BLK: variants seen among roughly 807,000 people sequenced by gnomAD.
BLK encodes BLK proto-oncogene, Src family tyrosine kinase, also known as tyrosine-protein kinase Blk.
In BLK, 64 loss-of-function variants were observed where a neutral mutation model predicts 61.8. The observed-to-expected ratio is 1.03, with a 90% CI of 0.85 to 1.27. The LOEUF is 1.27. Among genes scored for constraint, BLK ranks in the 50% most tolerant of loss-of-function variants. The probability of loss-of-function intolerance (pLI) is 0.00; values close to 1 mark genes in which losing one functional copy is unlikely to be tolerated. For synonymous variants in BLK, 351 were observed against 272.0 expected (o/e 1.29, Z -2.86); for missense variants, 853 against 660.5 (o/e 1.29, Z -3.19).
chr8:11,549,161 G>A (rs768353377), intron 5 of BLK, 39 bp downstream of exon 5: 1 of 1,541,368 alleles, frequency 6.5e-7, no homozygotes, highest in Non-Finnish European at 8.8e-7. Context: ...CCAAGATGCA[G>A]TCACTGTTTC....
In BLK at chr8:11,548,356, C is replaced by T. The variant is rs114501793; in HGVS notation, c.269+231C>T. Among the ~76,000 whole-genome samples, 492 of 152,308 alleles carry T rather than the reference C, an allele frequency of 3.2e-3. 2 individuals are homozygous for T. Among genetic ancestry groups the T allele is most frequent in the African/African-American group, 0.011 (474 of 41,568 alleles). Reference sequence around the variant, plus strand: ...CCTCCTGCTCATCCTTCAAAGTCCACGTTCCATGCCACCGCCTCCATGCAG... The same window carrying T: ...CCTCCTGCTCATCCTTCAAAGTCCATGTTCCATGCCACCGCCTCCATGCAG... On this transcript the variant is annotated intron_variant, in intron 4 of 12. Transcript: ENST00000259089.
chr8:11,531,317 C>A (rs1484938234), intron 1 of BLK, among the ~76,000 whole-genome samples: 1 of 152,078 alleles, frequency 6.6e-6, no homozygotes, highest in African/African-American at 2.4e-5. Context: ...TTTGAAAAGT[C>A]TAATTTATCA....
At chr8:11,556,949 T>A (rs779304623) in intron 9 of BLK, 112 bp downstream of exon 9, 1 of 1,166,506 alleles carries the variant, frequency 8.6e-7, no homozygotes, top group Non-Finnish European at 1.2e-6. Flanking sequence ...CCTGCAGATC[T>A]AGGGCATGGC....
chr8:11,563,753 C>G (rs1801598010), intron 12 of BLK, 150 bp from the exon 13 acceptor site: 1 of 723,762 alleles, frequency 1.4e-6, no homozygotes, highest in Admixed American at 2.9e-5. Context: ...ACCGGGCAGC[C>G]AGGCAACGCA....
chr8:11,555,999 C>T (rs897137408), intron 8 of BLK: 8 of 285,040 alleles, frequency 2.8e-5, no homozygotes, highest in South Asian at 1.5e-4. Context: ...ACTCGTGTTC[C>T]GTTTTATCCC....
chr8:11,510,399 A>T lies in BLK; in HGVS notation c.-2+15808A>T, dbSNP rs551366248. On this transcript the variant is annotated intron_variant, in intron 1 of 12. Transcript: ENST00000259089. ...ATGACTCATAAGGAAACAAACCCCA[A>T]GGCTTTGGGTACATTTGTCCCATCA... 3.2e-4 allele frequency among the ~76,000 whole-genome samples: 48 copies of T among 152,296 alleles called. 1 individual carries two copies. The highest frequency in any genetic ancestry group is 6.0e-4 in the Non-Finnish European group (41 of 68,026).
chr8:11,516,597 C>T (rs900530066), intron 1 of BLK, among the ~76,000 whole-genome samples: 6 of 152,302 alleles, frequency 3.9e-5, no homozygotes, highest in South Asian at 2.1e-4. Flanking sequence ...CCGACCCAGC[C>T]CCCAGCCCCT....
chr8:11,560,715 C>G, intron 10 of BLK: 1 of 384,552 alleles, frequency 2.6e-6, no homozygotes, highest in Non-Finnish European at 5.3e-6. Flanking sequence ...TGGGTGCCCC[C>G]ACGGGGCAGG....
At chr8:11,498,846 G>C (rs1184461915) in intron 1 of BLK, among the ~76,000 whole-genome samples, 1 of 152,236 alleles carries the variant, frequency 6.6e-6, no homozygotes, top group Non-Finnish European at 1.5e-5. Context: ...TAGGTGAGTT[G>C]AAGCTGAGGA....
chr8:11,560,557 G>C (rs1801462630), intron 10 of BLK: 1 of 292,482 alleles, frequency 3.4e-6, no homozygotes, highest in African/African-American at 2.2e-5. Context: ...TTCGTCCATT[G>C]ATTGGGTGAA....
At position 11,552,989 on chromosome 8, in the gene BLK, AAC is replaced by A. The variant is rs575992649; in HGVS notation, c.473-1750_473-1749del. On this transcript the variant is annotated intron_variant, in intron 6 of 12. Transcript: ENST00000259089. Reference sequence around the variant, plus strand: ...GCATGTGTGCACACATACACATGCAAACACATACACATGTCCACGCATGCACA... The same window carrying A: ...GCATGTGTGCACACATACACATGCAAACATACACATGTCCACGCATGCACA... 638 of 156,478 alleles carry A rather than the reference AAC, an allele frequency of 4.1e-3. 4 individuals carry two copies. The highest frequency in any genetic ancestry group is 0.014 in the African/African-American group (564 of 41,636). 9.7% of individuals were successfully genotyped at this position (156,478 alleles called of 1,614,324 possible).
chr8:11,536,483 T>G (rs62489137), intron 1 of BLK, among the ~76,000 whole-genome samples: 17,758 of 152,224 alleles, frequency 0.12, 1,429 homozygotes, highest in East Asian at 0.26. Flanking sequence ...CTCCACCTCC[T>G]GGTTTCAAGC....
intron 6 of BLK, among the ~76,000 whole-genome samples, chr8:11,551,767 CG>C (rs1442597999): frequency 6.6e-6 from 1 of 152,126 alleles, no homozygotes; most frequent in Middle Eastern, 3.2e-3. Flanking sequence ...ACTAGCTTTT[CG>C]TCTGTAAGAT....
At chr8:11,505,729 T>C (rs1798747713) in intron 1 of BLK, among the ~76,000 whole-genome samples, 1 of 152,196 alleles carries the variant, frequency 6.6e-6, no homozygotes, top group African/African-American at 2.4e-5. Context: ...AACTCCTCTG[T>C]GTTTGAGAAC....
At chr8:11,501,706 T>C (rs189470027) in intron 1 of BLK, among the ~76,000 whole-genome samples, 1 of 152,346 alleles carries the variant, frequency 6.6e-6, no homozygotes, top group East Asian at 1.9e-4. Context: ...CTTTGCACTG[T>C]CATATCCGTA....
At chr8:11,538,629 A>G (rs1043865549) in intron 1 of BLK, among the ~76,000 whole-genome samples, 12 of 152,234 alleles carry the variant, frequency 7.9e-5, no homozygotes, top group African/African-American at 2.7e-4. Context: ...CTTAAAGTCA[A>G]TGGCAATATG....
chr8:11,528,171 G>C (rs1044692550), intron 1 of BLK, among the ~76,000 whole-genome samples: 1 of 152,064 alleles, frequency 6.6e-6, no homozygotes, highest in African/African-American at 2.4e-5. Context: ...CAAGTCATTG[G>C]CACTACAAGC....
At chr8:11,542,971 G>T (rs144908940) in intron 1 of BLK, among the ~76,000 whole-genome samples, 62 of 152,178 alleles carry the variant, frequency 4.1e-4, no homozygotes, top group Admixed American at 7.9e-4. Flanking sequence ...GGTTTCCAGC[G>T]GTTATCTCCA....
At chr8:11,521,309 G>A (rs1437577159) in intron 1 of BLK, among the ~76,000 whole-genome samples, 1 of 151,450 alleles carries the variant, frequency 6.6e-6, no homozygotes, top group Non-Finnish European at 1.5e-5. Flanking sequence ...ATTTTTTCTT[G>A]AGACAGAGCC....
Sources: gnomAD v4.1 joint callset for allele counts (sites outside exome capture counted in the v4.1 genomes callset) on GRCh38, gnomAD v4.1.1 for gene constraint, MANE v1.5 for transcripts, NCBI Gene and HGNC (gene_info 2026-07-23, HGNC 2026-07-21) for gene names.